Variants in ANKS3 observed in about 807,000 individuals in gnomAD.
ANKS3 encodes ankyrin repeat and SAM domain-containing protein 3.
A neutral mutation model predicts 80.7 loss-of-function variants in ANKS3; 62 were observed. The ratio of observed to expected loss-of-function variants is 0.77; its 90% CI spans 0.63 to 0.95. ANKS3 has a LOEUF of 0.95. Among genes scored for constraint, ANKS3 ranks in the 40% least tolerant of loss-of-function variants. The probability of loss-of-function intolerance (pLI) is 0.00; values close to 1 mark genes in which losing one functional copy is unlikely to be tolerated. For missense variants in ANKS3, 1,150 were observed against 883.6 expected (o/e 1.30, Z -3.82); for synonymous variants, 489 against 355.3 (o/e 1.38, Z -4.23).
At chr16:4,722,903 G>A (rs1395642576) in intron 6 of ANKS3, among the ~76,000 whole-genome samples, 1 of 150,710 alleles carries the variant, frequency 6.6e-6, no homozygotes, top group Non-Finnish European at 1.5e-5. Flanking sequence ...TCCAGCCTGG[G>A]CGACACAGCA....
intron 3 of ANKS3, chr16:4,729,693 T>C (rs2081526304): frequency 4.3e-6 from 1 of 230,486 alleles, no homozygotes; most frequent in Non-Finnish European, 8.4e-6. Flanking sequence ...ATTTTGCTTG[T>C]TTGTTTGGGC....
At chr16:4,731,996 T>C (rs904330343) in intron 1 of ANKS3, among the ~76,000 whole-genome samples, 1 of 152,190 alleles carries the variant, frequency 6.6e-6, no homozygotes, top group Non-Finnish European at 1.5e-5. Flanking sequence ...CTATGGTAGT[T>C]AATAGATGCG....
intron 14 of ANKS3, 137 bp from the exon 15 acceptor site, chr16:4,698,199 T>G: frequency 2.6e-6 from 3 of 1,167,506 alleles, no homozygotes; most frequent in South Asian, 1.5e-5. Context: ...CAGTGCCCCA[T>G]GAGGCTGCAC....
intron 7 of ANKS3, among the ~76,000 whole-genome samples, chr16:4,706,381 G>A (rs1182056639): frequency 6.7e-6 from 1 of 150,138 alleles, no homozygotes. Context: ...CAGGCACCCG[G>A]CCACCATGCC....
rs140021419 is a variant in ANKS3, at chr16:4,724,943, T to C, written c.492-112A>G. On this transcript the variant is annotated intron_variant, in intron 5 of 17. Transcript: ENST00000304283. ...TGCACGAGTCACCGATCCCTAAGCG[T>C]AGAACACTGTCCCTTTCCAGAATTA... The C allele has an allele frequency of 3.1e-5, 25 of 796,618 alleles. No homozygotes were observed. In the African/African-American group the frequency reaches 4.0e-4, roughly 13 times the overall value. The allele number at this position is 796,618 out of a possible 1,614,324, so 49.3% of individuals were successfully genotyped here. A position where few individuals can be genotyped will look rare whatever the true frequency, so the allele number is the denominator to read the frequency against.
intron 7 of ANKS3, among the ~76,000 whole-genome samples, chr16:4,706,485 T>C (rs2080203517): frequency 6.6e-6 from 1 of 152,198 alleles, no homozygotes. Context: ...TCCGCCCACC[T>C]TGGCCTCCCA....
At chr16:4,701,949 T>C in intron 9 of ANKS3, 153 bp downstream of exon 9, 1 of 968,498 alleles carries the variant, frequency 1.0e-6, no homozygotes, top group East Asian at 2.8e-5. Context: ...CTCCCATTCC[T>C]CACAAGAACC....
At chr16:4,731,687 C>T (rs1434905048) in intron 1 of ANKS3, 108 bp from the exon 2 acceptor site, 4 of 566,824 alleles carry the variant, frequency 7.1e-6, no homozygotes, top group Admixed American at 6.4e-5. Context: ...AATTCCCCAA[C>T]AGACAAACCA....
At chr16:4,726,419 T>G (rs1256576709) in intron 5 of ANKS3, among the ~76,000 whole-genome samples, 1 of 152,214 alleles carries the variant, frequency 6.6e-6, no homozygotes, top group Non-Finnish European at 1.5e-5. Flanking sequence ...TTCTTACAAC[T>G]GTATGACCCA....
chr16:4,722,068 G>T (rs1188076375), intron 6 of ANKS3, among the ~76,000 whole-genome samples: 1 of 151,370 alleles, frequency 6.6e-6, no homozygotes, highest in East Asian at 1.9e-4. Context: ...CCGTGGGGAG[G>T]GTGCCAAGGA....
intron 15 of ANKS3, among the ~76,000 whole-genome samples, chr16:4,697,619 G>T (rs1443488018): frequency 3.9e-5 from 6 of 152,220 alleles, no homozygotes; most frequent in Non-Finnish European, 8.8e-5. Context: ...ACACTACGAG[G>T]CCCGGGTCAG....
chr16:4,697,925 G>A, intron 15 of ANKS3, 52 bp downstream of exon 15: 19 of 1,440,392 alleles, frequency 1.3e-5, no homozygotes, highest in African/African-American at 2.9e-5. Context: ...CTGGCTTCAG[G>A]GCTCCCCCAC....
chr16:4,710,250 G>A (rs550155239), intron 7 of ANKS3, among the ~76,000 whole-genome samples: 2 of 152,146 alleles, frequency 1.3e-5, no homozygotes, highest in Non-Finnish European at 2.9e-5. Context: ...ATAGCTACTA[G>A]AAGACATGAT....
intron 7 of ANKS3, among the ~76,000 whole-genome samples, chr16:4,710,558 C>T (rs1017886379): frequency 3.3e-5 from 5 of 151,946 alleles, no homozygotes; most frequent in South Asian, 2.1e-4. Context: ...AAAATACAAA[C>T]GTAAGCTGGG....
Position 4,699,034 on chromosome 16 carries a change from C to G in ANKS3, c.1409+18G>C, listed in dbSNP as rs2079752113. 2 of 1,614,168 alleles carry G rather than the reference C, an allele frequency of 1.2e-6. No individual in the cohort carries two copies. Among genetic ancestry groups the G allele is most frequent in the African/African-American group, 2.7e-5 (2 of 75,066 alleles). On this transcript the variant is annotated intron_variant, in intron 12 of 17. Transcript: ENST00000304283. ...CCCAACCCCGGGCTGAGGGCCAGAGCGGCCCTTCTGGACGCACGTGATGCC... is the reference window on the plus strand; with the variant it reads ...CCCAACCCCGGGCTGAGGGCCAGAGGGGCCCTTCTGGACGCACGTGATGCC...
intron 16 of ANKS3, 72 bp downstream of exon 16, chr16:4,697,261 C>T (rs746167566): frequency 1.2e-4 from 184 of 1,551,282 alleles, no homozygotes; most frequent in Non-Finnish European, 1.6e-4. Flanking sequence ...ACCCGCTTTC[C>T]CTGGAAAGGG....
chr16:4,717,476 G>A (rs957410369), intron 6 of ANKS3: 1 of 151,970 alleles, frequency 6.6e-6, no homozygotes, highest in Non-Finnish European at 1.5e-5. Flanking sequence ...GCTGAGGCAG[G>A]AGAATCGCTT....
chr16:4,702,436 G>A (rs1252123570), intron 8 of ANKS3, among the ~76,000 whole-genome samples, 194 bp from the exon 9 acceptor site: 2 of 152,334 alleles, frequency 1.3e-5, no homozygotes, highest in East Asian at 3.9e-4. Context: ...CCAAGCAAGT[G>A]CCTGGTGGGG....
chr16:4,728,350 C>G (rs2081462059), intron 3 of ANKS3, among the ~76,000 whole-genome samples: 1 of 152,124 alleles, frequency 6.6e-6, no homozygotes, highest in Non-Finnish European at 1.5e-5. Flanking sequence ...AGCCGGGATT[C>G]ACATATTAGA....
Sources: allele counts gnomAD v4.1 joint callset (sites outside exome capture counted in the v4.1 genomes callset), GRCh38; gene constraint gnomAD v4.1.1; transcripts MANE v1.5; gene names NCBI Gene and HGNC (gene_info 2026-07-23, HGNC 2026-07-21).